CNNM2: variants seen among roughly 807,000 people sequenced by gnomAD.
CNNM2 encodes the protein cyclin and CBS domain divalent metal cation transport mediator 2.
A neutral mutation model predicts 66.9 loss-of-function variants in CNNM2; 12 were observed. That is an observed-to-expected ratio of 0.18 (90% confidence interval 0.11 to 0.29). CNNM2 has a LOEUF of 0.29. Ranked by LOEUF, CNNM2 falls within the 10% of genes least tolerant of loss-of-function variation. The probability of loss-of-function intolerance (pLI) is 1.00; values close to 1 mark genes in which losing one functional copy is unlikely to be tolerated. For missense variants in CNNM2, 705 were observed against 1,167.7 expected (o/e 0.60, Z 5.77); for synonymous variants, 557 against 501.8 (o/e 1.11, Z -1.47).
intron 1 of CNNM2, among the ~76,000 whole-genome samples, chr10:103,023,210 C>G (rs1220338362): frequency 1.3e-5 from 2 of 152,142 alleles, no homozygotes; most frequent in African/African-American, 2.4e-5. Context: ...CAGCCAAGGT[C>G]CCAGACTCTT....
At chr10:102,929,474 A>G (rs1315381581) in intron 1 of CNNM2, among the ~76,000 whole-genome samples, 1 of 149,976 alleles carries the variant, frequency 6.7e-6, no homozygotes, top group Non-Finnish European at 1.5e-5. Flanking sequence ...GTGACTAGTT[A>G]TTGTAGGTTT....
chr10:103,003,508 C>T lies in CNNM2; in HGVS notation c.1622-46199C>T, dbSNP rs563769255. Among the ~76,000 whole-genome samples, 9 of 152,182 alleles carry T rather than the reference C, an allele frequency of 5.9e-5. No individual in the cohort carries two copies. In the South Asian group the frequency reaches 1.9e-3, roughly 32 times the overall value. ...ACTAGTATATAGCTTGATGGGTTTT[C>T]CCATCCATGTAGAATTATGCATGTC... On this transcript the variant is annotated intron_variant, in intron 1 of 7. Transcript: ENST00000369878.
Position 102,987,556 on chromosome 10 carries a change from C to T in CNNM2, c.1622-62151C>T, listed in dbSNP as rs184768245. Among the ~76,000 whole-genome samples the T allele has an allele frequency of 7.4e-4, 112 of 152,108 alleles. 1 individual carries two copies. Among genetic ancestry groups the T allele is most frequent in the African/African-American group, 2.6e-3 (107 of 41,504 alleles). On this transcript the variant is annotated intron_variant, in intron 1 of 7. Transcript: ENST00000369878. The stretch of plus-strand genomic sequence containing the variant: ...GAGGATGGTCTCGAACTGCTGACCT[C>T]GTGATCTGCCCGCCTCGGCCTCCCA...
rs934004028 is a variant in CNNM2, at chr10:102,954,106, TTTTTC to T, written c.1621+34025_1621+34029del. 5.3e-5 allele frequency among the ~76,000 whole-genome samples: 8 copies of T among 150,598 alleles called. No individual in the cohort carries two copies. In the East Asian group the frequency reaches 5.9e-4, roughly 11 times the overall value. On this transcript the variant is annotated intron_variant, in intron 1 of 7. Coordinates refer to ENST00000369878, the MANE Select transcript of CNNM2 (RefSeq NM_017649.5). ...GTGCTATTTTCTATGTAACATTGTA[TTTTTC>T]TTTTCTTTTCTTTTCTTTTTTTTTT...
intron 1 of CNNM2, among the ~76,000 whole-genome samples, chr10:103,011,077 A>G (rs914161719): frequency 2.0e-5 from 3 of 152,170 alleles, no homozygotes; most frequent in African/African-American, 7.2e-5. Context: ...TCAAACATCC[A>G]CCACAATGCG....
At chr10:102,948,545 C>T (rs538848098) in intron 1 of CNNM2, among the ~76,000 whole-genome samples, 2 of 152,136 alleles carry the variant, frequency 1.3e-5, no homozygotes, top group South Asian at 2.1e-4. Flanking sequence ...ATGCTATTGG[C>T]GAAGTCAGCA....
chr10:102,990,307 C>T (rs544170301), intron 1 of CNNM2, among the ~76,000 whole-genome samples: 2 of 152,170 alleles, frequency 1.3e-5, no homozygotes, highest in East Asian at 3.9e-4. Flanking sequence ...GTAGACAGGA[C>T]ACACTGGCTA....
chr10:102,989,309 C>T (rs1348208730), intron 1 of CNNM2, among the ~76,000 whole-genome samples: 1 of 152,178 alleles, frequency 6.6e-6, no homozygotes, highest in Non-Finnish European at 1.5e-5. Flanking sequence ...GGTTAAATTA[C>T]TCATTGTTCA....
intron 1 of CNNM2, among the ~76,000 whole-genome samples, chr10:103,019,511 A>C (rs2064529027): frequency 6.6e-6 from 1 of 152,164 alleles, no homozygotes; most frequent in African/African-American, 2.4e-5. Context: ...GATAGGGGAC[A>C]TGGAGAAGTT....
At chr10:103,037,698 C>G (rs1276638593) in intron 1 of CNNM2, among the ~76,000 whole-genome samples, 1 of 152,016 alleles carries the variant, frequency 6.6e-6, no homozygotes, top group Admixed American at 6.6e-5. Flanking sequence ...AGTTTTAGGA[C>G]AAATATAAAA....
In CNNM2 at chr10:102,960,059, T is replaced by A. The variant is rs530448313; in HGVS notation, c.1621+39958T>A. 1.7e-3 allele frequency among the ~76,000 whole-genome samples: 251 copies of A among 147,244 alleles called. 1 individual carries two copies. The highest frequency in any genetic ancestry group is 2.2e-3 in the Non-Finnish European group (148 of 66,018). ...AGAGCAAGACTCTGTCTCAAAAAAA[T>A]AAAAAATAAATAAATAAATAAATAA... On this transcript the variant is annotated intron_variant, in intron 1 of 7. Transcript: ENST00000369878.
rs370411344 is a variant in CNNM2, at chr10:103,077,197, C to T, written c.*17C>T. 16 of 1,607,328 alleles carry T rather than the reference C, an allele frequency of 1.0e-5. No homozygotes were observed. The East Asian group carries it at 1.6e-4, about 16-fold the overall frequency. ...GCCATCTAGGCCGCGCTGGCTGCAC[C>T]CGCCCAGGCCCGCACCCGCCCAGTC... On this transcript the variant is annotated 3_prime_UTR_variant, in exon 8 of 8. Coordinates refer to ENST00000369878, the MANE Select transcript of CNNM2 (RefSeq NM_017649.5).
At chr10:102,925,296 CAAAAAAAAAAAAAA>C (rs10624810) in intron 1 of CNNM2, among the ~76,000 whole-genome samples, 27 of 17,762 alleles carry the variant, frequency 1.5e-3, no homozygotes, top group East Asian at 7.2e-3. Context: ...AACTCCATCT[CAAAAAAAAAAAAAA>C]AAAAAAAAAA....
chr10:103,024,511 C>G (rs1375144929), intron 1 of CNNM2, among the ~76,000 whole-genome samples: 2 of 151,970 alleles, frequency 1.3e-5, no homozygotes, highest in Non-Finnish European at 2.9e-5. Context: ...TGGAGTCTTG[C>G]TCTGTCACCC....
At chr10:103,029,804 T>A (rs2064787350) in intron 1 of CNNM2, among the ~76,000 whole-genome samples, 1 of 151,098 alleles carries the variant, frequency 6.6e-6, no homozygotes, top group East Asian at 2.0e-4. Context: ...AGGCGGAGGT[T>A]GCAGTGAGCC....
At chr10:103,027,478 C>T (rs1293121550) in intron 1 of CNNM2, 1 of 152,178 alleles carries the variant, frequency 6.6e-6, no homozygotes, top group Non-Finnish European at 1.5e-5. Flanking sequence ...GGAGGGAGGA[C>T]AATCTCCATA....
At chr10:102,959,748 C>T (rs1484695486) in intron 1 of CNNM2, among the ~76,000 whole-genome samples, 4 of 152,126 alleles carry the variant, frequency 2.6e-5, no homozygotes, top group Non-Finnish European at 4.4e-5. Flanking sequence ...GGCCAGCTTC[C>T]TCATCTTTAA....
At chr10:103,040,938 A>G (rs910213526) in intron 1 of CNNM2, among the ~76,000 whole-genome samples, 4 of 152,132 alleles carry the variant, frequency 2.6e-5, no homozygotes, top group Non-Finnish European at 5.9e-5. Context: ...CGGGAGGAGA[A>G]TTGCTTCTCT....
chr10:102,925,296 CAAAAAAAAAAAAAAAA>C lies in CNNM2; in HGVS notation c.1621+5210_1621+5225del, dbSNP rs10624810. Among the ~76,000 whole-genome samples the C allele has an allele frequency of 5.1e-4, 9 of 17,762 alleles. No individual in the cohort carries two copies. In the East Asian group the frequency reaches 7.2e-3, roughly 14 times the overall value. The allele number at this position is 17,762 out of a possible 152,430, so 11.7% of individuals were successfully genotyped here. On this transcript the variant is annotated intron_variant, in intron 1 of 7. Transcript: ENST00000369878. Reference sequence around the variant, plus strand: ...GGGCAACAAGAGCGAAACTCCATCTCAAAAAAAAAAAAAAAAAAAAAAAAAAAAAAGATTTACTTGG... The same window carrying C: ...GGGCAACAAGAGCGAAACTCCATCTCAAAAAAAAAAAAAAGATTTACTTGG...
Sources: gnomAD v4.1 joint callset for allele counts (sites outside exome capture counted in the v4.1 genomes callset) on GRCh38, gnomAD v4.1.1 for gene constraint, MANE v1.5 for transcripts, NCBI Gene and HGNC (gene_info 2026-07-23, HGNC 2026-07-21) for gene names.